MBNL1: variants seen among roughly 807,000 people sequenced by gnomAD.
MBNL1 encodes muscleblind-like protein 1.
MBNL1 carries 8 observed loss-of-function variants against 42.2 expected under a neutral mutation model. The ratio of observed to expected loss-of-function variants is 0.19; its 90% confidence interval spans 0.11 to 0.34. The LOEUF is 0.34. Among genes scored for constraint, MBNL1 ranks in the 10% least tolerant of loss-of-function variants. The probability of loss-of-function intolerance (pLI) is 1.00; values close to 1 mark genes in which losing one functional copy is unlikely to be tolerated. For synonymous variants in MBNL1, 169 were observed against 173.9 expected, an observed-to-expected ratio of 0.97 and a Z score of 0.22; for missense variants, 309 against 495.3, an observed-to-expected ratio of 0.62 and a Z score of 3.57.
At position 152,312,618 on chromosome 3, in the gene MBNL1, T is replaced by C. The variant is rs540322348; in HGVS notation, c.174+12251T>C. 7.4e-4 allele frequency among the ~76,000 whole-genome samples: 113 copies of C among 152,320 alleles called. 1 individual carries two copies. The highest frequency in any genetic ancestry group is 2.6e-3 in the African/African-American group (110 of 41,584). Reference sequence around the variant, plus strand: ...CTTTCTTCTTATGGGAGGAACTTTGTCTTAGGTCAGAATAAAGATTGTTAT... The same window carrying C: ...CTTTCTTCTTATGGGAGGAACTTTGCCTTAGGTCAGAATAAAGATTGTTAT... On this transcript the variant is annotated intron_variant, in intron 2 of 9. Transcript: ENST00000324210.
chr3:152,264,895 C>A (rs2036926876), upstream of MBNL1: 1 of 151,750 alleles, frequency 6.6e-6, no homozygotes. Context: ...GTTATACATA[C>A]AATATATTGT....
At chr3:152,345,561 A>T (rs561775639) in intron 2 of MBNL1, among the ~76,000 whole-genome samples, 1 of 152,210 alleles carries the variant, frequency 6.6e-6, no homozygotes, top group Non-Finnish European at 1.5e-5. Context: ...GAACAAGCCA[A>T]ATAAATATTT....
chr3:152,277,176 A>G (rs2045727134), intron 1 of MBNL1, among the ~76,000 whole-genome samples: 2 of 152,180 alleles, frequency 1.3e-5, no homozygotes, highest in South Asian at 4.1e-4. Flanking sequence ...TTCTTAAAAC[A>G]TTTCATTTCT....
At chr3:152,323,969 A>G (rs565499614) in intron 2 of MBNL1, among the ~76,000 whole-genome samples, 1 of 152,212 alleles carries the variant, frequency 6.6e-6, no homozygotes, top group Admixed American at 6.6e-5. Context: ...TTGAAAGCAC[A>G]GGGTATGCAA....
rs145091625 is a variant in MBNL1 at position 152,384,993 on chromosome 3, A to G, written c.175-29948A>G. 2.4e-3 allele frequency among the ~76,000 whole-genome samples: 367 copies of G among 152,174 alleles called. 1 individual carries two copies. Among genetic ancestry groups the G allele is most frequent in the African/African-American group, 8.4e-3 (349 of 41,546 alleles). On this transcript the variant is annotated intron_variant, in intron 2 of 9. Coordinates refer to ENST00000324210, the MANE Select transcript of MBNL1 (RefSeq NM_021038.5). Reference sequence around the variant, plus strand: ...AGCATGAAAAGCAGGTCAAATAGCTATGGTGTAATTTTCAGAATTATTTAT... The same window carrying G: ...AGCATGAAAAGCAGGTCAAATAGCTGTGGTGTAATTTTCAGAATTATTTAT...
chr3:152,423,654 C>T (rs1337537487), intron 3 of MBNL1, among the ~76,000 whole-genome samples: 1 of 152,162 alleles, frequency 6.6e-6, no homozygotes, highest in Non-Finnish European at 1.5e-5. Flanking sequence ...AGGCCAATAT[C>T]CCTGGTGAAC....
intron 2 of MBNL1, chr3:152,338,338 C>T: frequency 1.0e-6 from 1 of 985,370 alleles, no homozygotes; most frequent in East Asian, 1.1e-4. Context: ...TTAGCCCTGT[C>T]CATTGACAGA....
At chr3:152,269,915 A>ACCCCT (rs1553766569) in intron 1 of MBNL1, 1 of 56,640 alleles carries the variant, frequency 1.8e-5, no homozygotes. Flanking sequence ...CCACCCCCCA[A>ACCCCT]CTTTTTTTTT....
At chr3:152,314,777 G>T (rs2069575088) in intron 2 of MBNL1, among the ~76,000 whole-genome samples, 2 of 152,126 alleles carry the variant, frequency 1.3e-5, no homozygotes, top group Non-Finnish European at 2.9e-5. Context: ...AGTGTAAAGG[G>T]GGAAACAAAC....
At chr3:152,274,142 C>T (rs2043489741) in intron 1 of MBNL1, among the ~76,000 whole-genome samples, 1 of 152,040 alleles carries the variant, frequency 6.6e-6, no homozygotes, top group Non-Finnish European at 1.5e-5. Context: ...GGATTTTTTC[C>T]TACGTTTTCA....
intron 1 of MBNL1, among the ~76,000 whole-genome samples, chr3:152,272,383 A>G (rs2149863995): frequency 6.6e-6 from 1 of 152,162 alleles, no homozygotes; most frequent in East Asian, 1.9e-4. Context: ...GAGTCTTAAC[A>G]CCTCTCAAAG....
chr3:152,341,633 G>T (rs1021398955), intron 2 of MBNL1, among the ~76,000 whole-genome samples: 1 of 152,136 alleles, frequency 6.6e-6, no homozygotes, highest in Non-Finnish European at 1.5e-5. Context: ...TGTCCATACC[G>T]GTAGGCAATG....
chr3:152,283,016 G>A (rs2150437867), intron 1 of MBNL1, among the ~76,000 whole-genome samples: 1 of 152,304 alleles, frequency 6.6e-6, no homozygotes, highest in South Asian at 2.1e-4. Flanking sequence ...AGCTTTGGAA[G>A]CCTTGTAAGT....
intron 2 of MBNL1, among the ~76,000 whole-genome samples, chr3:152,323,685 T>C (rs1440314324): frequency 6.6e-6 from 1 of 152,178 alleles, no homozygotes; most frequent in Non-Finnish European, 1.5e-5. Context: ...CATAATGTTA[T>C]GTATTTGTGT....
intron 4 of MBNL1, among the ~76,000 whole-genome samples, chr3:152,435,952 A>T (rs944911187): frequency 6.6e-6 from 1 of 152,110 alleles, no homozygotes; most frequent in Non-Finnish European, 1.5e-5. Flanking sequence ...GGCCGAGACT[A>T]TGGGGTTTTC....
intron 2 of MBNL1, among the ~76,000 whole-genome samples, chr3:152,393,234 A>G (rs1463997350): frequency 6.6e-6 from 1 of 152,234 alleles, no homozygotes; most frequent in African/African-American, 2.4e-5. Flanking sequence ...TGTATTCCCA[A>G]TAGACTGGGA....
chr3:152,334,861 G>A (rs1207554428), intron 2 of MBNL1, among the ~76,000 whole-genome samples: 3 of 152,156 alleles, frequency 2.0e-5, no homozygotes, highest in African/African-American at 7.2e-5. Context: ...TAGTAACAGT[G>A]TATTCATCAC....
intron 7 of MBNL1, 60 bp from the exon 8 acceptor site, chr3:152,456,207 A>G: frequency 1.7e-6 from 2 of 1,152,456 alleles, no homozygotes; most frequent in South Asian, 1.2e-5. Flanking sequence ...CCATGTTGCC[A>G]TGGTTTCCAT....
intron 5 of MBNL1, among the ~76,000 whole-genome samples, 154 bp from the exon 6 acceptor site, chr3:152,447,466 A>C (rs544425274): frequency 1.5e-5 from 2 of 136,440 alleles, no homozygotes; most frequent in African/African-American, 2.7e-5. Flanking sequence ...TTTCCTCCTT[A>C]ATTTTTTGTT....
Sources: gnomAD v4.1 joint callset for allele counts (sites outside exome capture counted in the v4.1 genomes callset) on GRCh38, gnomAD v4.1.1 for gene constraint, MANE v1.5 for transcripts, NCBI Gene and HGNC (gene_info 2026-07-23, HGNC 2026-07-21) for gene names.